The following OPHN1 variants were observed in gnomAD, a reference collection of about 807,000 sequenced individuals.
The protein encoded by OPHN1 is oligophrenin 1.
Under a neutral mutation model 60.7 loss-of-function variants are expected in OPHN1, and 11 were observed. The ratio of observed to expected loss-of-function variants is 0.18; its 90% CI spans 0.11 to 0.30. The LOEUF (loss-of-function observed/expected upper bound fraction) is 0.30, where lower values mean the gene tolerates loss of function less well. Ranked by LOEUF, OPHN1 falls within the 10% of genes least tolerant of loss-of-function variation. The pLI, the probability that OPHN1 is intolerant of heterozygous loss-of-function variation, is 1.00. For missense variants in OPHN1, 449 were observed against 611.0 expected (o/e 0.73, Z 2.80); for synonymous variants, 226 against 222.6 (o/e 1.02, Z -0.14).
intron 1 of OPHN1, 21 bp from the exon 2 acceptor site, chrX:68,433,045 G>T: frequency 8.5e-7 from 1 of 1,179,725 alleles, no homozygotes; most frequent in South Asian, 1.9e-5. Context: ...GGAGTAGGGG[G>T]AAAGGGGAAA....
intron 6 of OPHN1, among the ~76,000 whole-genome samples, chrX:68,218,720 A>T (rs1242714530): frequency 5.2e-5 from 5 of 97,034 alleles, no homozygotes; most frequent in African/African-American, 1.1e-4. Flanking sequence ...TTTACAGACA[A>T]GCAAATGCTG....
In OPHN1 at chrX:68,086,135, C is replaced by T. The variant is rs191305219; in HGVS notation, c.1686+10735G>A. ...TGGAGACTGCAGTGAGCTTAGATCA[C>T]GCCACTGCACTCCAAACTGGGTGGC... On this transcript the variant is annotated intron_variant, in intron 19 of 24. Transcript: ENST00000355520. 1.6e-3 allele frequency among the ~76,000 whole-genome samples: 158 copies of T among 97,988 alleles called. 1 individual carries two copies. The highest frequency in any genetic ancestry group is 5.3e-3 in the African/African-American group (148 of 27,868). The allele number at this position is 97,988 out of a possible 115,157, so 85.1% of individuals were successfully genotyped here.
intron 19 of OPHN1, among the ~76,000 whole-genome samples, chrX:68,086,094 G>A (rs920134983): frequency 3.8e-5 from 4 of 105,886 alleles, no homozygotes; most frequent in Admixed American, 1.0e-4. Context: ...CAGGAGAATC[G>A]CTTAAACCTG....
intron 2 of OPHN1, among the ~76,000 whole-genome samples, chrX:68,365,536 A>G (rs2078493958): frequency 8.9e-6 from 1 of 111,850 alleles, no homozygotes; most frequent in African/African-American, 3.2e-5. Context: ...CTCCTCACTC[A>G]GCAGTAGGAA....
chrX:68,312,260 T>A, intron 2 of OPHN1, among the ~76,000 whole-genome samples: 1 of 94,187 alleles, frequency 1.1e-5, no homozygotes, highest in African/African-American at 4.0e-5. Flanking sequence ...TAATTTTTTT[T>A]TTTTTTTTTT....
intron 2 of OPHN1, among the ~76,000 whole-genome samples, chrX:68,341,645 G>A (rs924708635): frequency 9.0e-6 from 1 of 110,683 alleles, no homozygotes; most frequent in Non-Finnish European, 1.9e-5. Context: ...ACCAGCCTGG[G>A]CAACACAGGG....
At chrX:68,431,084 T>C (rs1448924155) in intron 2 of OPHN1, among the ~76,000 whole-genome samples, 3 of 111,429 alleles carry the variant, frequency 2.7e-5, no homozygotes, top group Non-Finnish European at 1.9e-5. Context: ...TTTACTGTAA[T>C]ATATAAACAA....
chrX:68,304,031 TAAC>T (rs1268291432), intron 2 of OPHN1, among the ~76,000 whole-genome samples: 1 of 111,722 alleles, frequency 9.0e-6, no homozygotes, highest in Non-Finnish European at 1.9e-5. Context: ...TGACTATAGT[TAAC>T]AATATTTTAT....
intron 5 of OPHN1, among the ~76,000 whole-genome samples, chrX:68,254,201 A>G (rs1433141843): frequency 9.0e-6 from 1 of 111,411 alleles, no homozygotes; most frequent in East Asian, 2.8e-4. Context: ...GCATGAAGGT[A>G]GCAAAAGAAT....
At chrX:68,397,520 AT>A (rs1195025655) in intron 2 of OPHN1, among the ~76,000 whole-genome samples, 1 of 22,963 alleles carries the variant, frequency 4.4e-5, no homozygotes, top group Admixed American at 5.9e-4. Flanking sequence ...TTATTTATTT[AT>A]TTATTTTTTT....
chrX:68,093,894 C>A (rs751622343), intron 19 of OPHN1, among the ~76,000 whole-genome samples: 1 of 110,264 alleles, frequency 9.1e-6, no homozygotes, highest in Non-Finnish European at 1.9e-5. Flanking sequence ...GGGTCATTCA[C>A]AGAGCAAAAA....
At chrX:68,393,926 C>T (rs1376190596) in intron 2 of OPHN1, among the ~76,000 whole-genome samples, 7 of 64,148 alleles carry the variant, frequency 1.1e-4, no homozygotes, top group Non-Finnish European at 1.7e-4. Context: ...GACGGAGTCT[C>T]GCTCTGTTGC....
At position 68,058,661 on chromosome X, in the gene OPHN1, T is replaced by C. The variant is rs777078659; in HGVS notation, c.2159-4851A>G. On this transcript the variant is annotated intron_variant, in intron 21 of 24. Transcript: ENST00000355520. ...GACACCCCATCTTCCATGTCTGCCA[T>C]TTCCTAAGAGGTTGTTACCTAGTAA... Among the ~76,000 whole-genome samples the C allele has an allele frequency of 3.6e-5, 4 of 112,046 alleles. No individual in the cohort carries two copies. The East Asian group carries it at 1.1e-3, about 32-fold the overall frequency.
At chrX:68,174,968 C>A (rs1018861948) in intron 15 of OPHN1, among the ~76,000 whole-genome samples, 13 of 109,653 alleles carry the variant, frequency 1.2e-4, no homozygotes, top group Non-Finnish European at 2.5e-4. Flanking sequence ...CCTGTAATCT[C>A]AGCTACTCAG....
intron 5 of OPHN1, among the ~76,000 whole-genome samples, chrX:68,256,444 C>G (rs911356843): frequency 1.8e-5 from 2 of 111,771 alleles, no homozygotes; most frequent in Non-Finnish European, 3.8e-5. Context: ...ACCAAGGACT[C>G]CTATACCCTT....
intron 2 of OPHN1, among the ~76,000 whole-genome samples, chrX:68,371,430 G>A (rs1477763157): frequency 9.1e-6 from 1 of 109,844 alleles, no homozygotes; most frequent in Non-Finnish European, 1.9e-5. Flanking sequence ...TGCTGCCCAC[G>A]CTGGTCTTGA....
rs1304299839 is a variant in OPHN1 at position 68,193,051 on chromosome X, C to G, written c.1202-58G>C. 2.7e-5 allele frequency: 25 copies of G among 922,785 alleles called. No individual in the cohort carries two copies. The Admixed American group carries it at 5.5e-4, about 20-fold the overall frequency. 76.0% of individuals were successfully genotyped at this position (922,785 alleles called of 1,213,427 possible). A position where few individuals can be genotyped will look rare whatever the true frequency, so the allele number is the denominator to read the frequency against. ...TGTATAGCTAGAGTTGTCATCTCCC[C>G]TTGGTACACTAGGGTCAATTCAGAT... On this transcript the variant is annotated intron_variant, in intron 14 of 24. Transcript: ENST00000355520.
chrX:68,176,973 C>CATATATATATAT lies in OPHN1; in HGVS notation c.1276+15934_1276+15945dup, dbSNP rs59326514. 2.0e-3 allele frequency among the ~76,000 whole-genome samples: 199 copies of CATATATATATAT among 99,133 alleles called. 2 individuals are homozygous for CATATATATATAT. Among genetic ancestry groups the CATATATATATAT allele is most frequent in the Middle Eastern group, 5.2e-3 (1 of 193 alleles). 86.1% of individuals were successfully genotyped at this position (99,133 alleles called of 115,157 possible). ...ACAATACATATTGTTTTTATATATA[C>CATATATATATAT]ATATATATATATATATATATGCATA... On this transcript the variant is annotated intron_variant, in intron 15 of 24. Transcript: ENST00000355520.
intron 2 of OPHN1, among the ~76,000 whole-genome samples, chrX:68,309,235 A>C (rs985461147): frequency 8.9e-6 from 1 of 111,918 alleles, no homozygotes; most frequent in Non-Finnish European, 1.9e-5. Context: ...AATAAACAAG[A>C]TAATCCTCAA....
Sources: gnomAD v4.1 joint callset for allele counts (sites outside exome capture counted in the v4.1 genomes callset) on GRCh38, gnomAD v4.1.1 for gene constraint, MANE v1.5 for transcripts, NCBI Gene and HGNC (gene_info 2026-07-23, HGNC 2026-07-21) for gene names.